MED14: variants seen among roughly 807,000 people sequenced by gnomAD.
The protein encoded by MED14 is mediator complex subunit 14, also known as mediator of RNA polymerase II transcription subunit 14.
In MED14, 8 loss-of-function variants were observed where a neutral mutation model predicts 109.0. The ratio of observed to expected loss-of-function variants is 0.07; its 90% CI spans 0.04 to 0.13. The LOEUF (loss-of-function observed/expected upper bound fraction) is 0.13, where lower values mean the gene tolerates loss of function less well. Among genes scored for constraint, MED14 ranks in the 10% least tolerant of loss-of-function variants. The pLI is 1.00. For missense variants in MED14, 711 were observed against 1,142.4 expected (o/e 0.62, Z 5.44); for synonymous variants, 399 against 408.7 (o/e 0.98, Z 0.29).
At chrX:40,692,453 A>G (rs1446730371) in intron 14 of MED14, 136 bp from the exon 15 acceptor site, 3 of 533,869 alleles carry the variant, frequency 5.6e-6, no homozygotes, top group Non-Finnish European at 5.9e-6. Flanking sequence ...TTACTGAGTA[A>G]ATACTGACCT....
intron 30 of MED14, among the ~76,000 whole-genome samples, chrX:40,653,500 G>A (rs1344502580): frequency 8.9e-6 from 1 of 111,992 alleles, no homozygotes; most frequent in African/African-American, 3.3e-5. Context: ...ACCTAAAAAT[G>A]TTTCAGAGAA....
chrX:40,713,187 T>C (rs911024178), intron 5 of MED14, 145 bp from the exon 6 acceptor site: 12 of 532,511 alleles, frequency 2.3e-5, no homozygotes, highest in Non-Finnish European at 2.8e-5. Context: ...AATTCAATGG[T>C]TCCTGAATAA....
At chrX:40,717,474 T>A (rs1466920461) in intron 3 of MED14, among the ~76,000 whole-genome samples, 6 of 111,219 alleles carry the variant, frequency 5.4e-5, no homozygotes, top group Non-Finnish European at 7.6e-5. Flanking sequence ...AAAAACTACC[T>A]CCCTAAAACC....
At chrX:40,678,998 A>C (rs1479893778) in intron 21 of MED14, among the ~76,000 whole-genome samples, 1 of 111,803 alleles carries the variant, frequency 8.9e-6, no homozygotes, top group Non-Finnish European at 1.9e-5. Context: ...GGGAGCAAGA[A>C]AATGACAAGA....
At chrX:40,718,763 C>T (rs578170979) in intron 3 of MED14, among the ~76,000 whole-genome samples, 20 of 111,317 alleles carry the variant, frequency 1.8e-4, no homozygotes, top group African/African-American at 6.2e-4. Flanking sequence ...TGCTTGAACC[C>T]AGAAGTTTGA....
At chrX:40,660,780 GTTTA>G (rs984195346) in intron 26 of MED14, among the ~76,000 whole-genome samples, 1 of 112,763 alleles carries the variant, frequency 8.9e-6, no homozygotes, top group Non-Finnish European at 1.9e-5. Flanking sequence ...GCTAATTTTA[GTTTA>G]TTTTATTATT....
chrX:40,692,753 A>G lies in MED14; in HGVS notation c.1800T>C (p.Phe600=), dbSNP rs776196035. The change falls in exon 14 of 31, where the codon TTT becomes TTC. Residue 600 remains phenylalanine (F), a synonymous_variant. Coordinates refer to ENST00000324817, the MANE Select transcript of MED14 (RefSeq NM_004229.4). ...TGGTCTGTTTCCCGGTTTTTGTACG[A>G]AAAACCAAGTCCTGAATGTTTTCCT... ...QFKENIQDLV[F]RTKTGKQTRT... is the part of the protein sequence containing the mutation. The G allele has an allele frequency of 8.3e-7, 1 of 1,209,667 alleles. No individual in the cohort carries two copies. The highest frequency in any genetic ancestry group is 1.1e-6 in the Non-Finnish European group (1 of 895,084).
At chrX:40,715,161 C>T (rs1392394025) in intron 3 of MED14, 1 of 113,469 alleles carries the variant, frequency 8.8e-6, no homozygotes, top group Admixed American at 9.3e-5. Context: ...CTTTGTGCCT[C>T]AGCTTTTTTC....
At chrX:40,711,098 T>G in intron 8 of MED14, 71 bp downstream of exon 8, 2 of 1,076,702 alleles carry the variant, frequency 1.9e-6, no homozygotes, top group South Asian at 4.3e-5. Flanking sequence ...ATCAGATGTA[T>G]GAGAGAAAAA....
chrX:40,655,010 C>A lies in MED14; in HGVS notation c.4023G>T (p.Thr1341=). The A allele has an allele frequency of 1.7e-6, 2 of 1,210,603 alleles. No homozygotes were observed. The highest frequency in any genetic ancestry group is 1.8e-5 in the South Asian group (1 of 56,936). Reference sequence around the variant, plus strand: ...CAATCGGCGGCGCGCTGGGAGGGATCGTCAGGCAAAACTGAACATTCCATT... The same window carrying A: ...CAATCGGCGGCGCGCTGGGAGGGATAGTCAGGCAAAACTGAACATTCCATT... ...QLKWNVQFCL[T]IPPSAPPIAP... The change falls in exon 29 of 31, where the codon ACG becomes ACT. Residue 1341 remains threonine (T), a synonymous_variant. Transcript: ENST00000324817.
In MED14 at chrX:40,734,716, C is replaced by T. The variant is rs773335804; in HGVS notation, c.215+482G>A. The stretch of plus-strand genomic sequence containing the variant: ...TTTACTCACACTAACTTCATTAAGA[C>T]CTCAAACACTCAAAAGTTCCAGAAA... On this transcript the variant is annotated intron_variant, in intron 1 of 30. Coordinates refer to ENST00000324817, the MANE Select transcript of MED14 (RefSeq NM_004229.4). 9.8e-5 allele frequency among the ~76,000 whole-genome samples: 11 copies of T among 112,511 alleles called. No homozygotes were observed. In the South Asian group the frequency reaches 3.6e-3, roughly 37 times the overall value.
At chrX:40,692,344 A>G in intron 14 of MED14, 27 bp from the exon 15 acceptor site, 1 of 1,018,553 alleles carries the variant, frequency 9.8e-7, no homozygotes, top group Non-Finnish European at 1.3e-6. Flanking sequence ...GAACACAAAC[A>G]GGTAAAAAAA....
intron 26 of MED14, chrX:40,659,822 G>T: frequency 3.1e-6 from 1 of 317,474 alleles, no homozygotes; most frequent in Non-Finnish European, 5.4e-6. Flanking sequence ...TACCTATGAA[G>T]TATTCTTGCA....
chrX:40,713,658 G>T, intron 5 of MED14, 120 bp downstream of exon 5: 2 of 760,235 alleles, frequency 2.6e-6, no homozygotes, highest in Non-Finnish European at 3.8e-6. Flanking sequence ...GGCCAGGCTG[G>T]TCTCAAACTC....
chrX:40,696,852 T>C (rs1020222941), intron 13 of MED14, among the ~76,000 whole-genome samples, 172 bp downstream of exon 13: 15 of 111,781 alleles, frequency 1.3e-4, no homozygotes, highest in African/African-American at 4.9e-4. Context: ...ATACCTTATG[T>C]TCCCCAACTG....
intron 2 of MED14, 41 bp downstream of exon 2, chrX:40,729,278 T>C (rs1331447818): frequency 8.5e-7 from 1 of 1,173,129 alleles, no homozygotes; most frequent in Non-Finnish European, 1.1e-6. Context: ...CATAGATTGA[T>C]CAATAAAGAG....
chrX:40,656,364 C>T (rs769637071), intron 28 of MED14, among the ~76,000 whole-genome samples: 59 of 111,975 alleles, frequency 5.3e-4, no homozygotes, highest in Admixed American at 6.6e-4. Context: ...AATGTACATA[C>T]CCAATTCCTA....
Position 40,682,588 on chromosome X carries a change from T to G in MED14, c.2365+15A>C. On this transcript the variant is annotated intron_variant, in intron 18 of 30. Transcript: ENST00000324817. ...TTTTTAATTTATTTAAAAAGGAGAT[T>G]ATCTCCACACGTACCTGGTAGAGAA... is the stretch of plus-strand genomic sequence containing the variant. 2.7e-6 allele frequency: 3 copies of G among 1,110,247 alleles called. No homozygotes were observed. The highest frequency in any genetic ancestry group is 3.6e-6 in the Non-Finnish European group (3 of 843,205). The allele number at this position is 1,110,247 out of a possible 1,213,427, so 91.5% of individuals were successfully genotyped here. A position where few individuals can be genotyped will look rare whatever the true frequency, so the allele number is the denominator to read the frequency against.
chrX:40,697,801 C>T (rs1355953584), intron 12 of MED14, among the ~76,000 whole-genome samples: 3 of 112,024 alleles, frequency 2.7e-5, no homozygotes. Context: ...AGCAGCATAA[C>T]GATGCCACAA....
Sources: gnomAD v4.1 joint callset for allele counts (sites outside exome capture counted in the v4.1 genomes callset) on GRCh38, gnomAD v4.1.1 for gene constraint, MANE v1.5 for transcripts, NCBI Gene and HGNC (gene_info 2026-07-23, HGNC 2026-07-21) for gene names.